Variants in PTPRZ1 observed in about 807,000 individuals in gnomAD.
PTPRZ1 encodes the protein protein tyrosine phosphatase receptor type Z1, also known as receptor-type tyrosine-protein phosphatase zeta.
Under a neutral mutation model 214.1 loss-of-function variants are expected in PTPRZ1, and 82 were observed. The ratio of observed to expected loss-of-function variants is 0.38; its 90% CI spans 0.32 to 0.46. PTPRZ1 has a LOEUF of 0.46. PTPRZ1 is among the 20% of genes least tolerant of loss of function. PTPRZ1 has a pLI of 1.00. For synonymous variants in PTPRZ1, 945 were observed against 987.9 expected, an observed-to-expected ratio of 0.96 and a Z score of 0.81; for missense variants, 2,603 against 2,748.7, an observed-to-expected ratio of 0.95 and a Z score of 1.19.
At chr7:122,049,551 A>G (rs1313168293) in intron 23 of PTPRZ1, among the ~76,000 whole-genome samples, 1 of 152,144 alleles carries the variant, frequency 6.6e-6, no homozygotes, top group Non-Finnish European at 1.5e-5. Context: ...CAAAAACAAT[A>G]ACAAAACAGT....
intron 10 of PTPRZ1, among the ~76,000 whole-genome samples, chr7:122,001,778 C>G (rs1798333090): frequency 6.6e-6 from 1 of 151,908 alleles, no homozygotes; most frequent in Non-Finnish European, 1.5e-5. Flanking sequence ...AAAACAAAAC[C>G]AGAATGAGTC....
rs746183338 is a variant in PTPRZ1 at position 122,012,436 on chromosome 7, T to C, written c.3390T>C (p.Thr1130=). 1.9e-6 allele frequency: 3 copies of C among 1,613,764 alleles called. No homozygotes were observed. The highest frequency in any genetic ancestry group is 2.5e-6 in the Non-Finnish European group (3 of 1,179,720). Residue 1130 remains threonine (T), a synonymous_variant, in exon 12 of 30, where the codon ACT becomes ACC. Transcript: ENST00000393386. ...ENNFSVQPTH[T]VSQASGDTSL... ...ACTTTTCAGTTCAACCTACACATAC[T>C]GTCTCTCAAGCATCTGGTGACACTT...
At chr7:122,023,316 C>T (rs1010494202) in intron 13 of PTPRZ1, among the ~76,000 whole-genome samples, 14 of 150,758 alleles carry the variant, frequency 9.3e-5, no homozygotes, top group Non-Finnish European at 1.8e-4. Context: ...TAGTTCTGCC[C>T]GGCATTTGCT....
chr7:122,039,713 AC>A (rs144807798), intron 20 of PTPRZ1, 125 bp downstream of exon 20: 22,381 of 1,230,946 alleles, frequency 0.018, 235 homozygotes, highest in Middle Eastern at 0.026. Flanking sequence ...AATTCTTGTA[AC>A]CAGGCCAGGT....
chr7:121,934,326 C>T (rs1247175982), intron 2 of PTPRZ1, among the ~76,000 whole-genome samples: 3 of 151,990 alleles, frequency 2.0e-5, no homozygotes, highest in African/African-American at 7.2e-5. Flanking sequence ...GAGGATATCA[C>T]AGACCCTAAC....
rs1053320887 is a variant in PTPRZ1 at position 121,929,543 on chromosome 7, C to T, written c.124+1322C>T. 4.0e-5 allele frequency among the ~76,000 whole-genome samples: 6 copies of T among 149,756 alleles called. No individual in the cohort carries two copies. In the East Asian group the frequency reaches 1.2e-3, roughly 29 times the overall value. On this transcript the variant is annotated intron_variant, in intron 2 of 29. Transcript: ENST00000393386. ...AACTTTCAAGCCAGGTGTGGTGGCT[C>T]AAGCCTGTAATCCCAGCACTTTGGG... is the stretch of plus-strand genomic sequence containing the variant.
chr7:122,016,017 T>C (rs1250368585), intron 12 of PTPRZ1, among the ~76,000 whole-genome samples: 1 of 152,050 alleles, frequency 6.6e-6, no homozygotes, highest in Non-Finnish European at 1.5e-5. Flanking sequence ...ACTTAAGATT[T>C]TATGGTGTAT....
intron 21 of PTPRZ1, among the ~76,000 whole-genome samples, chr7:122,041,709 A>C (rs541545037): frequency 6.6e-6 from 1 of 152,172 alleles, no homozygotes; most frequent in Non-Finnish European, 1.5e-5. Flanking sequence ...ATTTGTTTCT[A>C]TGTGAAGTAT....
rs1799468926 is a variant in PTPRZ1, at chr7:122,034,215, A to G, written c.5188-67A>G. 3 of 1,571,934 alleles carry G rather than the reference A, an allele frequency of 1.9e-6. No homozygotes were observed. In the South Asian group the frequency reaches 3.4e-5, roughly 18 times the overall value. ...TTATTTTGTTTGTTTTGTCTTCGTT[A>G]TTATATTTTAAGGCACGTTGTTTGA... On this transcript the variant is annotated intron_variant, in intron 16 of 29. Coordinates refer to ENST00000393386, the MANE Select transcript of PTPRZ1 (RefSeq NM_002851.3).
intron 17 of PTPRZ1, among the ~76,000 whole-genome samples, chr7:122,034,750 T>G (rs1204896189): frequency 6.6e-6 from 1 of 152,092 alleles, no homozygotes; most frequent in Non-Finnish European, 1.5e-5. Flanking sequence ...GAATTACATT[T>G]TCTTTAAACT....
At chr7:122,055,843 T>A (rs980054463) in intron 27 of PTPRZ1, among the ~76,000 whole-genome samples, 2 of 151,944 alleles carry the variant, frequency 1.3e-5, no homozygotes, top group African/African-American at 4.8e-5. Context: ...ATAATTTGAA[T>A]GTTTCACTTT....
At chr7:121,945,815 G>A (rs1004486150) in intron 2 of PTPRZ1, among the ~76,000 whole-genome samples, 4 of 152,130 alleles carry the variant, frequency 2.6e-5, no homozygotes, top group African/African-American at 4.8e-5. Context: ...AAAACTCCTC[G>A]TAGTTTAAAG....
chr7:122,037,028 T>C (rs1799566635), intron 18 of PTPRZ1, among the ~76,000 whole-genome samples: 1 of 149,638 alleles, frequency 6.7e-6, no homozygotes, highest in African/African-American at 2.5e-5. Context: ...ATCCCAGAAC[T>C]TTGGGAGGCT....
At chr7:121,938,261 T>C (rs1037418115) in intron 2 of PTPRZ1, among the ~76,000 whole-genome samples, 6 of 152,196 alleles carry the variant, frequency 3.9e-5, no homozygotes, top group Non-Finnish European at 7.3e-5. Context: ...CACTGAAAGA[T>C]TGCGAAGATA....
intron 15 of PTPRZ1, among the ~76,000 whole-genome samples, chr7:122,033,686 A>G (rs755935980): frequency 6.6e-6 from 1 of 152,056 alleles, no homozygotes; most frequent in Admixed American, 6.6e-5. Context: ...TAACCCCCCA[A>G]AAAATAAAAA....
chr7:121,917,419 A>G (rs1207694402), intron 1 of PTPRZ1, among the ~76,000 whole-genome samples: 1 of 152,212 alleles, frequency 6.6e-6, no homozygotes, highest in Non-Finnish European at 1.5e-5. Context: ...AGAGCACTTC[A>G]GACTAAGAAT....
intron 1 of PTPRZ1, among the ~76,000 whole-genome samples, chr7:121,898,964 G>C (rs1015126211): frequency 6.6e-6 from 1 of 152,142 alleles, no homozygotes; most frequent in African/African-American, 2.4e-5. Context: ...AGCAAGTCCA[G>C]TGTAAACTTT....
At chr7:121,968,268 C>A in intron 3 of PTPRZ1, 138 bp downstream of exon 3, 4 of 626,798 alleles carry the variant, frequency 6.4e-6, no homozygotes, top group East Asian at 3.4e-5. Context: ...CCAAATGGAG[C>A]AGAGAAAATG....
Position 121,873,468 on chromosome 7 carries a change from C to T in PTPRZ1, c.-32C>T. 7 of 1,611,860 alleles carry T rather than the reference C, an allele frequency of 4.3e-6. No individual in the cohort carries two copies. The highest frequency in any genetic ancestry group is 5.9e-6 in the Non-Finnish European group (7 of 1,178,968). ...CTCTCCACTCTGAGAAGCAGAGGAG[C>T]CGCACGGCGAGGGGCCGCAGACCGT... On this transcript the variant is annotated 5_prime_UTR_variant, in exon 1 of 30. Transcript: ENST00000393386.
Sources: allele counts gnomAD v4.1 joint callset (sites outside exome capture counted in the v4.1 genomes callset), GRCh38; gene constraint gnomAD v4.1.1; transcripts MANE v1.5; gene names NCBI Gene and HGNC (gene_info 2026-07-23, HGNC 2026-07-21).